The following SEMA3A variants were observed in gnomAD, a reference collection of about 807,000 sequenced individuals.
SEMA3A encodes the protein semaphorin-3A.
A neutral mutation model predicts 97.9 loss-of-function variants in SEMA3A; 29 were observed. The observed-to-expected ratio is 0.30, with a 90% CI of 0.22 to 0.40. The LOEUF (loss-of-function observed/expected upper bound fraction) is 0.40, where lower values mean the gene tolerates loss of function less well. SEMA3A is among the 10% of genes least tolerant of loss of function. SEMA3A has a pLI of 1.00. For synonymous variants in SEMA3A, 321 were observed against 323.7 expected (o/e 0.99, Z 0.09); for missense variants, 763 against 951.3 (o/e 0.80, Z 2.60).
At chr7:84,227,008 C>T (rs1467568839) in intron 3 of SEMA3A, among the ~76,000 whole-genome samples, 2 of 151,916 alleles carry the variant, frequency 1.3e-5, no homozygotes, top group Non-Finnish European at 2.9e-5. Flanking sequence ...GAAATGAGAG[C>T]AGCTATGCTG....
chr7:84,312,919 T>TACACAC (rs1169125442), intron 2 of SEMA3A, among the ~76,000 whole-genome samples: 22 of 31,066 alleles, frequency 7.1e-4, no homozygotes, highest in African/African-American at 1.1e-3. Flanking sequence ...TATATATATA[T>TACACAC]ATACACACAC....
intron 2 of SEMA3A, among the ~76,000 whole-genome samples, chr7:84,316,605 G>C (rs556047988): frequency 2.6e-5 from 4 of 152,078 alleles, no homozygotes; most frequent in Admixed American, 2.6e-4. Flanking sequence ...AGAGTAGATA[G>C]AGATAGAAAG....
At chr7:84,256,656 T>A (rs1342123443) in intron 3 of SEMA3A, among the ~76,000 whole-genome samples, 1 of 152,058 alleles carries the variant, frequency 6.6e-6, no homozygotes, top group Non-Finnish European at 1.5e-5. Flanking sequence ...GGAAAATGCA[T>A]ACTGGCTTTC....
At chr7:84,223,253 G>C (rs1798919212) in intron 3 of SEMA3A, among the ~76,000 whole-genome samples, 1 of 151,798 alleles carries the variant, frequency 6.6e-6, no homozygotes. Context: ...CATCAGAGTA[G>C]TAAGTAAAGC....
At chr7:84,353,140 A>G (rs1802474746) in intron 2 of SEMA3A, among the ~76,000 whole-genome samples, 2 of 151,794 alleles carry the variant, frequency 1.3e-5, no homozygotes, top group Admixed American at 1.3e-4. Context: ...AATGTTATGT[A>G]AATAGTTTTT....
At chr7:84,127,361 C>T (rs981782047) in intron 3 of SEMA3A, among the ~76,000 whole-genome samples, 6 of 151,912 alleles carry the variant, frequency 3.9e-5, no homozygotes, top group Admixed American at 1.3e-4. Flanking sequence ...CCCATTACTC[C>T]GATGTTTCCT....
chr7:84,221,233 C>A (rs1313789836), intron 3 of SEMA3A, among the ~76,000 whole-genome samples: 1 of 152,118 alleles, frequency 6.6e-6, no homozygotes, highest in Non-Finnish European at 1.5e-5. Flanking sequence ...TCAGCCTTCA[C>A]AGAATTGGAG....
chr7:84,377,575 G>T (rs1389828873), intron 1 of SEMA3A, among the ~76,000 whole-genome samples: 1 of 152,038 alleles, frequency 6.6e-6, no homozygotes, highest in Admixed American at 6.6e-5. Context: ...GAATTGCTTT[G>T]GTTATGTCAA....
intron 4 of SEMA3A, among the ~76,000 whole-genome samples, chr7:84,097,022 C>T (rs532233492): frequency 3.3e-5 from 5 of 152,100 alleles, no homozygotes; most frequent in South Asian, 2.1e-4. Flanking sequence ...GACAAGAATA[C>T]GGATTCTTAA....
intron 2 of SEMA3A, among the ~76,000 whole-genome samples, chr7:84,320,411 G>T (rs905985390): frequency 1.3e-5 from 2 of 151,906 alleles, no homozygotes; most frequent in Non-Finnish European, 2.9e-5. Context: ...TTCCTCCAAA[G>T]AATTTCTAAA....
chr7:84,439,463 G>A (rs983665307), intron 1 of SEMA3A, among the ~76,000 whole-genome samples: 1 of 152,134 alleles, frequency 6.6e-6, no homozygotes, highest in African/African-American at 2.4e-5. Flanking sequence ...TATTTACAGT[G>A]TTTCTATTAA....
At chr7:84,463,009 TC>T (rs1408211108) in intron 1 of SEMA3A, among the ~76,000 whole-genome samples, 9 of 152,074 alleles carry the variant, frequency 5.9e-5, no homozygotes, top group Non-Finnish European at 1.0e-4. Context: ...ATTTCTTCCA[TC>T]TTAATAAATT....
At chr7:84,011,881 T>C (rs943930040) in intron 7 of SEMA3A, among the ~76,000 whole-genome samples, 5 of 152,278 alleles carry the variant, frequency 3.3e-5, no homozygotes, top group Admixed American at 6.5e-5. Flanking sequence ...ATCATAATTG[T>C]CAATTTACAG....
intron 4 of SEMA3A, among the ~76,000 whole-genome samples, chr7:84,101,316 C>T (rs962126150): frequency 3.9e-4 from 59 of 152,116 alleles, no homozygotes; most frequent in African/African-American, 1.3e-3. Context: ...AAAGCTATGA[C>T]ATCATTATCC....
intron 2 of SEMA3A, among the ~76,000 whole-genome samples, chr7:84,369,031 G>C (rs1790757785): frequency 6.6e-6 from 1 of 150,748 alleles, no homozygotes; most frequent in Admixed American, 6.6e-5. Flanking sequence ...ATCTCATTGG[G>C]AATTAGTATA....
chr7:84,408,352 C>T (rs1395086802), intron 1 of SEMA3A, among the ~76,000 whole-genome samples: 1 of 152,090 alleles, frequency 6.6e-6, no homozygotes, highest in Non-Finnish European at 1.5e-5. Flanking sequence ...GATATCATCT[C>T]ACACCAGTTA....
intron 2 of SEMA3A, among the ~76,000 whole-genome samples, chr7:84,358,511 C>A (rs780107947): frequency 2.2e-4 from 33 of 152,146 alleles, no homozygotes; most frequent in Non-Finnish European, 2.6e-4. Flanking sequence ...TGTTTTGGTA[C>A]CAGTACCATG....
chr7:84,253,159 T>A (rs1281930702), intron 3 of SEMA3A, among the ~76,000 whole-genome samples: 3 of 152,188 alleles, frequency 2.0e-5, no homozygotes, highest in Non-Finnish European at 2.9e-5. Context: ...ATTACGGGCA[T>A]GAGCCAAGGA....
intron 1 of SEMA3A, among the ~76,000 whole-genome samples, chr7:84,388,397 T>G (rs187541982): frequency 1.2e-4 from 18 of 152,228 alleles, no homozygotes; most frequent in Admixed American, 2.6e-4. Flanking sequence ...TCCTCCTGAA[T>G]GCATACCGTT....
Sources: allele counts gnomAD v4.1 joint callset (sites outside exome capture counted in the v4.1 genomes callset), GRCh38; gene constraint gnomAD v4.1.1; transcripts MANE v1.5; gene names NCBI Gene and HGNC (gene_info 2026-07-23, HGNC 2026-07-21).